Variants in BRAP observed in about 807,000 individuals in gnomAD.
BRAP encodes the protein BRCA1 associated protein, also known as BRCA1-associated protein.
In BRAP, 42 loss-of-function variants were observed where a neutral mutation model predicts 73.4. That is an observed-to-expected ratio of 0.57 (90% CI 0.45 to 0.74). BRAP has a LOEUF of 0.74. Among genes scored for constraint, BRAP ranks in the 30% least tolerant of loss-of-function variants. The pLI, the probability that BRAP is intolerant of heterozygous loss-of-function variation, is 0.00. For synonymous variants in BRAP, 255 were observed against 267.4 expected (o/e 0.95, Z 0.45); for missense variants, 593 against 751.4 (o/e 0.79, Z 2.46).
Position 111,683,276 on chromosome 12 carries a change from C to CT in BRAP, c.113dup (p.Thr39AspfsTer37), listed in dbSNP as rs759908614. 7.8e-5 allele frequency: 126 copies of CT among 1,612,340 alleles called. No homozygotes were observed. The highest frequency in any genetic ancestry group is 9.5e-5 in the Non-Finnish European group (112 of 1,179,612). ...AGGCTACAGCTGAGGCTAGTGTCGT[C>CT]TTTTTTATCTCCTCATCAGACATTT... On this transcript the variant is annotated frameshift_variant, in exon 2 of 12. Transcript: ENST00000419234. LOFTEE classifies it high-confidence loss of function.
At chr12:111,666,174 G>C (rs925582678) in intron 5 of BRAP, among the ~76,000 whole-genome samples, 2 of 152,214 alleles carry the variant, frequency 1.3e-5, no homozygotes, top group African/African-American at 4.8e-5. Flanking sequence ...CACTGTGCCA[G>C]GTACTGGGAG....
intron 10 of BRAP, among the ~76,000 whole-genome samples, chr12:111,652,475 G>C (rs895563057): frequency 6.6e-6 from 1 of 152,086 alleles, no homozygotes; most frequent in African/African-American, 2.4e-5. Flanking sequence ...TGCCTGCCTC[G>C]GCCTCCCAAA....
chr12:111,650,142 C>CCTG, intron 10 of BRAP, 100 bp from the exon 11 acceptor site: 2 of 691,948 alleles, frequency 2.9e-6, no homozygotes, highest in Non-Finnish European at 2.2e-6. Flanking sequence ...CTGTATATAA[C>CCTG]TTTGACAAAC....
chr12:111,660,290 C>G (rs1886696967), intron 7 of BRAP, among the ~76,000 whole-genome samples: 1 of 151,800 alleles, frequency 6.6e-6, no homozygotes, highest in Non-Finnish European at 1.5e-5. Flanking sequence ...ATAAATTTAG[C>G]TCAGGAGTAA....
intron 10 of BRAP, 65 bp downstream of exon 10, chr12:111,655,501 A>C: frequency 7.6e-7 from 1 of 1,322,240 alleles, no homozygotes; most frequent in Non-Finnish European, 1.1e-6. Context: ...TCTGCCTTCC[A>C]CACCCCCCAT....
chr12:111,677,739 T>C (rs762727429), intron 4 of BRAP, among the ~76,000 whole-genome samples: 5 of 152,216 alleles, frequency 3.3e-5, no homozygotes, highest in Non-Finnish European at 7.3e-5. Context: ...GAAGGCTTTC[T>C]GATGGACAGT....
At chr12:111,673,073 C>G (rs1275616755) in intron 4 of BRAP, 1 of 309,958 alleles carries the variant, frequency 3.2e-6, no homozygotes, top group African/African-American at 2.1e-5. Context: ...ATTCAACCAG[C>G]AACAGTCAAC....
intron 4 of BRAP, among the ~76,000 whole-genome samples, chr12:111,673,685 C>T (rs901661821): frequency 3.3e-5 from 5 of 151,822 alleles, no homozygotes; most frequent in African/African-American, 1.2e-4. Flanking sequence ...GGTCTTAAAC[C>T]GCCACCTAGT....
intron 3 of BRAP, among the ~76,000 whole-genome samples, chr12:111,679,957 T>C (rs1481062223): frequency 6.7e-6 from 1 of 148,416 alleles, no homozygotes; most frequent in Non-Finnish European, 1.5e-5. Flanking sequence ...TTAAAAGGCC[T>C]AAAAAAACAG....
intron 11 of BRAP, among the ~76,000 whole-genome samples, chr12:111,648,415 C>A (rs113360381): frequency 7.9e-5 from 11 of 138,844 alleles, no homozygotes; most frequent in African/African-American, 3.0e-4. Flanking sequence ...AGATCGAGAC[C>A]ATCCTGGCCA....
Position 111,643,780 on chromosome 12 carries a change from G to T in BRAP, c.*419C>A, listed in dbSNP as rs186176262. 3.0e-5 allele frequency: 5 copies of T among 169,090 alleles called. No individual in the cohort carries two copies. In the East Asian group the frequency reaches 7.9e-4, roughly 27 times the overall value. 10.5% of individuals were successfully genotyped at this position (169,090 alleles called of 1,614,324 possible). On this transcript the variant is annotated 3_prime_UTR_variant, in exon 12 of 12. Coordinates refer to ENST00000419234, the MANE Select transcript of BRAP (RefSeq NM_006768.5). Reference sequence around the variant, plus strand: ...AACCTCTCTTTAAAGCAGCTGTTATGCCCTCAGAGAGGTTTGGTGCTTTAG... The same window carrying T: ...AACCTCTCTTTAAAGCAGCTGTTATTCCCTCAGAGAGGTTTGGTGCTTTAG...
intron 10 of BRAP, 50 bp from the exon 11 acceptor site, chr12:111,650,092 T>C (rs377120534): frequency 4.3e-5 from 58 of 1,343,808 alleles, no homozygotes; most frequent in Non-Finnish European, 5.7e-5. Flanking sequence ...TAATGTGGTG[T>C]GCTCTTTGGG....
intron 6 of BRAP, among the ~76,000 whole-genome samples, chr12:111,662,837 C>T (rs2135910628): frequency 6.6e-6 from 1 of 151,210 alleles, no homozygotes; most frequent in East Asian, 2.0e-4. Context: ...AATAAGAAAA[C>T]AGGCCAGGTG....
At chr12:111,673,431 G>A (rs552760254) in intron 4 of BRAP, 1 of 151,634 alleles carries the variant, frequency 6.6e-6, no homozygotes, top group South Asian at 2.1e-4. Flanking sequence ...TTGCACCCAG[G>A]ATGCAGAGGT....
At chr12:111,646,832 T>C (rs1242807372) in intron 11 of BRAP, among the ~76,000 whole-genome samples, 4 of 152,138 alleles carry the variant, frequency 2.6e-5, no homozygotes, top group African/African-American at 9.7e-5. Flanking sequence ...ATTTTACTTC[T>C]AGGAATTTAT....
Position 111,642,736 on chromosome 12 carries a change from A to G in BRAP, c.*1463T>C, listed in dbSNP as rs1659166591. 1 of 152,198 alleles carries G rather than the reference A, an allele frequency of 6.6e-6. No individual in the cohort carries two copies. Among genetic ancestry groups the G allele is most frequent in the South Asian group, 2.1e-4 (1 of 4,834 alleles). 9.4% of individuals were successfully genotyped at this position (152,198 alleles called of 1,614,324 possible). A position where few individuals can be genotyped will look rare whatever the true frequency, so the allele number is the denominator to read the frequency against. ...TATATATAAGTCCAAGAGAGACTCA[A>G]AGAGTTGGTCTGCCCTAAGTAAAAA... On this transcript the variant is annotated 3_prime_UTR_variant, in exon 12 of 12. Coordinates refer to ENST00000419234, the MANE Select transcript of BRAP (RefSeq NM_006768.5).
chr12:111,656,048 C>T lies in BRAP; in HGVS notation c.1222-393G>A, dbSNP rs532169236. Among the ~76,000 whole-genome samples, 6 of 152,312 alleles carry T rather than the reference C, an allele frequency of 3.9e-5. No homozygotes were observed. In the South Asian group the frequency reaches 1.2e-3, roughly 32 times the overall value. ...GTCAGGCACCCCCTGACTGATAGCA[C>T]TGTGCCTATCAGTAACAGCACTCAG... On this transcript the variant is annotated intron_variant, in intron 9 of 11. Transcript: ENST00000419234.
chr12:111,652,855 A>G (rs1018297674), intron 10 of BRAP, among the ~76,000 whole-genome samples: 8 of 152,084 alleles, frequency 5.3e-5, no homozygotes, highest in African/African-American at 1.2e-4. Flanking sequence ...GACTACAGGC[A>G]CGTGCCACCA....
At chr12:111,673,954 G>A (rs528677534) in intron 4 of BRAP, among the ~76,000 whole-genome samples, 5 of 152,252 alleles carry the variant, frequency 3.3e-5, no homozygotes, top group Admixed American at 1.3e-4. Context: ...TAAGGCAAGC[G>A]GGGAGGCCAA....
Sources: gnomAD v4.1 joint callset for allele counts (sites outside exome capture counted in the v4.1 genomes callset) on GRCh38, gnomAD v4.1.1 for gene constraint, MANE v1.5 for transcripts, NCBI Gene and HGNC (gene_info 2026-07-23, HGNC 2026-07-21) for gene names.